The following DLG2 variants were observed in gnomAD, a reference collection of about 807,000 sequenced individuals.
The protein encoded by DLG2 is disks large homolog 2.
In DLG2, 45 loss-of-function variants were observed where a neutral mutation model predicts 132.5. The ratio of observed to expected loss-of-function variants is 0.34; its 90% CI spans 0.27 to 0.44. DLG2 has a LOEUF of 0.44. DLG2 is among the 20% of genes least tolerant of loss of function. The pLI is 1.00. For synonymous variants in DLG2, 424 were observed against 419.6 expected (o/e 1.01, Z -0.13); for missense variants, 1,045 against 1,196.9 (o/e 0.87, Z 1.87).
chr11:83,933,580 CT>C (rs2080824899), intron 14 of DLG2, among the ~76,000 whole-genome samples: 1 of 152,220 alleles, frequency 6.6e-6, no homozygotes, highest in Admixed American at 6.5e-5. Context: ...TCCATTAGCA[CT>C]TGCTATTTGT....
intron 7 of DLG2, among the ~76,000 whole-genome samples, chr11:84,486,245 A>C (rs1454663021): frequency 6.6e-6 from 1 of 152,144 alleles, no homozygotes; most frequent in African/African-American, 2.4e-5. Flanking sequence ...AGGCCCTCTA[A>C]GAGACCTTTA....
At chr11:84,955,641 A>T (rs1448785126) in intron 6 of DLG2, 1 of 152,200 alleles carries the variant, frequency 6.6e-6, no homozygotes, top group Non-Finnish European at 1.5e-5. Context: ...ACTATGATAC[A>T]TGTGGACAAA....
chr11:85,532,033 A>T (rs986126391), intron 3 of DLG2, among the ~76,000 whole-genome samples: 4 of 152,174 alleles, frequency 2.6e-5, no homozygotes, highest in African/African-American at 4.8e-5. Flanking sequence ...CCAAGGAGAG[A>T]TCCAATATAA....
At chr11:85,314,907 T>C (rs1373116620) in intron 3 of DLG2, among the ~76,000 whole-genome samples, 1 of 151,898 alleles carries the variant, frequency 6.6e-6, no homozygotes, top group Non-Finnish European at 1.5e-5. Context: ...CATACTTCAG[T>C]GTTGTGTCGT....
At chr11:84,445,719 A>C (rs1348063171) in intron 7 of DLG2, among the ~76,000 whole-genome samples, 1 of 151,972 alleles carries the variant, frequency 6.6e-6, no homozygotes, top group East Asian at 1.9e-4. Context: ...GATCGAGACC[A>C]TCCTGGCTAA....
At chr11:84,125,081 C>T (rs940527633) in intron 9 of DLG2, among the ~76,000 whole-genome samples, 1 of 152,032 alleles carries the variant, frequency 6.6e-6, no homozygotes, top group Non-Finnish European at 1.5e-5. Context: ...AACTCACGAC[C>T]TCAGGTGATA....
chr11:85,347,691 G>A (rs1013143532), intron 3 of DLG2, among the ~76,000 whole-genome samples: 1 of 150,944 alleles, frequency 6.6e-6, no homozygotes, highest in Non-Finnish European at 1.5e-5. Context: ...TTTGTCAGTT[G>A]ATTTTTTAGC....
chr11:84,037,076 C>A (rs981775008), intron 11 of DLG2, among the ~76,000 whole-genome samples: 7 of 152,094 alleles, frequency 4.6e-5, no homozygotes, highest in African/African-American at 1.7e-4. Flanking sequence ...CAAGTGAATA[C>A]ACTGCTTTGC....
At chr11:85,260,611 C>T (rs2076889923) in intron 4 of DLG2, among the ~76,000 whole-genome samples, 1 of 152,148 alleles carries the variant, frequency 6.6e-6, no homozygotes, top group Non-Finnish European at 1.5e-5. Context: ...AGGTACTCTG[C>T]CAGATAAAAA....
At chr11:85,054,210 A>T (rs1198966826) in intron 6 of DLG2, among the ~76,000 whole-genome samples, 3 of 151,940 alleles carry the variant, frequency 2.0e-5, no homozygotes, top group African/African-American at 7.3e-5. Context: ...GATTGCAGTG[A>T]GCCGAGATCA....
chr11:85,537,001 G>T (rs1335588620), intron 3 of DLG2, among the ~76,000 whole-genome samples: 1 of 152,174 alleles, frequency 6.6e-6, no homozygotes, highest in Non-Finnish European at 1.5e-5. Context: ...GATTGTAAAT[G>T]CATCAATCAG....
At chr11:84,335,604 C>A (rs1361345483) in intron 7 of DLG2, among the ~76,000 whole-genome samples, 1 of 152,166 alleles carries the variant, frequency 6.6e-6, no homozygotes, top group Non-Finnish European at 1.5e-5. Flanking sequence ...ACCTACACTG[C>A]TAGCAATATC....
intron 6 of DLG2, among the ~76,000 whole-genome samples, chr11:85,001,580 A>C (rs191210062): frequency 8.2e-4 from 125 of 152,276 alleles, no homozygotes; most frequent in African/African-American, 2.7e-3. Flanking sequence ...CCTGATTGAC[A>C]ATTAGCTTTA....
At position 84,208,493 on chromosome 11, in the gene DLG2, G is replaced by A. The variant is rs143419370; in HGVS notation, c.573+42745C>T. 1.9e-3 allele frequency among the ~76,000 whole-genome samples: 287 copies of A among 151,888 alleles called. 7 individuals are homozygous for A. The East Asian group carries it at 0.039, about 21-fold the overall frequency. On this transcript the variant is annotated intron_variant, in intron 8 of 27. Transcript: ENST00000376104. ...TGAGTAGCTGGGACTACAGGTGCGC[G>A]CCACCACACATGGCTAATTTTTGTA...
intron 6 of DLG2, among the ~76,000 whole-genome samples, chr11:84,637,032 C>T (rs1406199334): frequency 6.6e-6 from 1 of 152,008 alleles, no homozygotes; most frequent in Non-Finnish European, 1.5e-5. Flanking sequence ...AGATGATCTG[C>T]CCATGTCGGC....
intron 17 of DLG2, among the ~76,000 whole-genome samples, chr11:83,816,874 C>A (rs2049099442): frequency 6.6e-6 from 1 of 152,086 alleles, no homozygotes; most frequent in South Asian, 2.1e-4. Flanking sequence ...AAATATTCTT[C>A]AAGTTTGGTT....
At chr11:84,312,759 G>A (rs1599667051) in intron 7 of DLG2, among the ~76,000 whole-genome samples, 1 of 151,978 alleles carries the variant, frequency 6.6e-6, no homozygotes, top group African/African-American at 2.4e-5. Context: ...CACAGTAGTA[G>A]GAGAGATATC....
At chr11:83,839,716 A>G (rs1428771396) in intron 16 of DLG2, among the ~76,000 whole-genome samples, 1 of 152,258 alleles carries the variant, frequency 6.6e-6, no homozygotes, top group Admixed American at 6.5e-5. Flanking sequence ...TTAATTTAAA[A>G]AAGGGATTAC....
chr11:83,620,805 G>A (rs1475353664), intron 19 of DLG2, among the ~76,000 whole-genome samples: 1 of 133,902 alleles, frequency 7.5e-6, no homozygotes, highest in Non-Finnish European at 1.5e-5. Context: ...AGGAGGCGGA[G>A]CTTGCAGTGA....
Sources: allele counts gnomAD v4.1 joint callset (sites outside exome capture counted in the v4.1 genomes callset), GRCh38; gene constraint gnomAD v4.1.1; transcripts MANE v1.5; gene names NCBI Gene and HGNC (gene_info 2026-07-23, HGNC 2026-07-21).